FLT1: variants seen among roughly 807,000 people sequenced by gnomAD.
FLT1 encodes the protein fms related receptor tyrosine kinase 1.
Under a neutral mutation model 156.3 loss-of-function variants are expected in FLT1, and 49 were observed. That is an observed-to-expected ratio of 0.31 (90% CI 0.25 to 0.40). FLT1 has a LOEUF of 0.40. Ranked by LOEUF, FLT1 falls within the 10% of genes least tolerant of loss-of-function variation. The probability of loss-of-function intolerance (pLI) is 1.00; values close to 1 mark genes in which losing one functional copy is unlikely to be tolerated. For synonymous variants in FLT1, 594 were observed against 583.8 expected (o/e 1.02, Z -0.25); for missense variants, 1,322 against 1,637.2 (o/e 0.81, Z 3.32).
chr13:28,474,828 G>T (rs1670839873), intron 1 of FLT1, among the ~76,000 whole-genome samples: 1 of 152,040 alleles, frequency 6.6e-6, no homozygotes, highest in Non-Finnish European at 1.5e-5. Context: ...ATATTTTGGG[G>T]TGTCATATTC....
intron 7 of FLT1, 38 bp from the exon 8 acceptor site, chr13:28,430,205 T>G: frequency 6.9e-7 from 1 of 1,457,680 alleles, no homozygotes; most frequent in Non-Finnish European, 9.6e-7. Context: ...TAGAAAAGAA[T>G]AATTTCCATA....
At chr13:28,430,677 T>A (rs1453307247) in intron 7 of FLT1, among the ~76,000 whole-genome samples, 4 of 152,208 alleles carry the variant, frequency 2.6e-5, no homozygotes, top group Non-Finnish European at 5.9e-5. Context: ...AGAATTTGCA[T>A]ACTGAAATTA....
At chr13:28,411,351 G>C (rs999800900) in intron 10 of FLT1, among the ~76,000 whole-genome samples, 2 of 151,594 alleles carry the variant, frequency 1.3e-5, no homozygotes, top group Non-Finnish European at 2.9e-5. Flanking sequence ...TTGGGAGTTC[G>C]AGACCAGCCT....
At chr13:28,425,335 A>C (rs138941525) in intron 10 of FLT1, among the ~76,000 whole-genome samples, 307 of 152,356 alleles carry the variant, frequency 2.0e-3, no homozygotes, top group Non-Finnish European at 3.6e-3. Context: ...GCCAACAAAC[A>C]TTTAAGGTAA....
chr13:28,334,024 C>G lies in FLT1; in HGVS notation c.2593+1G>C. The G allele has an allele frequency of 6.3e-7, 1 of 1,592,924 alleles. No homozygotes were observed. On this transcript the variant is annotated splice_donor_variant, in intron 18 of 29. Coordinates refer to ENST00000282397, the MANE Select transcript of FLT1 (RefSeq NM_002019.4). LOFTEE classifies it high-confidence loss of function. Reference sequence around the variant, plus strand: ...TGAAAGCCAAACTACAGCATACATACCTTTCAGCATTTTCACAGCCACAGT... The same window carrying G: ...TGAAAGCCAAACTACAGCATACATAGCTTTCAGCATTTTCACAGCCACAGT...
At position 28,387,619 on chromosome 13, in the gene FLT1, TC is replaced by T. The variant is rs561046091; in HGVS notation, c.1969+2176del. The stretch of plus-strand genomic sequence containing the variant: ...TCACATAAATACACAGCTTCTATCC[TC>T]CGTTTGGAATGGGGACTGAGGAACC... On this transcript the variant is annotated intron_variant, in intron 13 of 29. Transcript: ENST00000282397. 5.8e-5 allele frequency: 62 copies of T among 1,064,840 alleles called. No individual in the cohort carries two copies. The East Asian group carries it at 2.7e-3, about 47-fold the overall frequency. The allele number at this position is 1,064,840 out of a possible 1,614,324, so 66.0% of individuals were successfully genotyped here.
At chr13:28,331,652 G>A (rs958391666) in intron 18 of FLT1, among the ~76,000 whole-genome samples, 4 of 152,118 alleles carry the variant, frequency 2.6e-5, no homozygotes, top group South Asian at 2.1e-4. Flanking sequence ...GGCCGGTCTC[G>A]AACGCCTGAC....
At chr13:28,488,601 T>G (rs911218962) in intron 1 of FLT1, among the ~76,000 whole-genome samples, 2 of 151,648 alleles carry the variant, frequency 1.3e-5, no homozygotes, top group African/African-American at 4.9e-5. Flanking sequence ...CGTTTTGGAG[T>G]ATGATGTGGG....
chr13:28,334,563 A>G (rs1484750167), intron 17 of FLT1, among the ~76,000 whole-genome samples: 9 of 152,252 alleles, frequency 5.9e-5, no homozygotes, highest in Non-Finnish European at 1.2e-4. Context: ...GGAGAAATAG[A>G]AAATGGTGGT....
intron 14 of FLT1, among the ~76,000 whole-genome samples, chr13:28,372,043 T>TGTGTG (rs1200347702): frequency 5.2e-4 from 7 of 13,480 alleles, no homozygotes; most frequent in Admixed American, 2.0e-3. Flanking sequence ...TGTGTGTGTG[T>TGTGTG]GTGTGTATAT....
intron 14 of FLT1, among the ~76,000 whole-genome samples, chr13:28,359,675 C>T (rs892942233): frequency 1.3e-5 from 2 of 152,106 alleles, no homozygotes; most frequent in Non-Finnish European, 2.9e-5. Context: ...ACAAGGAACT[C>T]AAACTACTCA....
chr13:28,351,440 G>C, intron 15 of FLT1, among the ~76,000 whole-genome samples: 1 of 152,140 alleles, frequency 6.6e-6, no homozygotes, highest in East Asian at 1.9e-4. Context: ...AGCAACATAA[G>C]CCACTCAACC....
At chr13:28,386,870 T>A in intron 13 of FLT1, 1 of 1,049,622 alleles carries the variant, frequency 9.5e-7, no homozygotes, top group Non-Finnish European at 1.2e-6. Flanking sequence ...TTCACTGAGT[T>A]ATACTTTTAA....
At chr13:28,370,565 T>C (rs534420911) in intron 14 of FLT1, among the ~76,000 whole-genome samples, 6 of 152,222 alleles carry the variant, frequency 3.9e-5, no homozygotes, top group Non-Finnish European at 4.4e-5. Flanking sequence ...CACACGTATT[T>C]CTAAATATTT....
intron 1 of FLT1, among the ~76,000 whole-genome samples, chr13:28,489,381 T>C (rs1289339449): frequency 6.6e-6 from 1 of 152,146 alleles, no homozygotes; most frequent in Non-Finnish European, 1.5e-5. Flanking sequence ...AGGCTTTATA[T>C]TAGGTGCCAG....
In FLT1 at chr13:28,473,814, GAAA is replaced by G. The variant is rs1566050813; in HGVS notation, c.65-6200_65-6198del. Among the ~76,000 whole-genome samples, 40 of 129,218 alleles carry G rather than the reference GAAA, an allele frequency of 3.1e-4. 2 individuals are homozygous for G. Among genetic ancestry groups the G allele is most frequent in the South Asian group, 9.4e-4 (4 of 4,256 alleles). The allele number at this position is 129,218 out of a possible 152,430, so 84.8% of individuals were successfully genotyped here. ...AGAAAGAAAGAAAGAAAGAAAGAAA[GAAA>G]GAAAGAAAGAAAGAAAGAAAGGAAG... is the stretch of plus-strand genomic sequence containing the variant. On this transcript the variant is annotated intron_variant, in intron 1 of 29. Transcript: ENST00000282397.
chr13:28,418,616 C>T (rs1192035292), intron 10 of FLT1, among the ~76,000 whole-genome samples: 1 of 152,158 alleles, frequency 6.6e-6, no homozygotes, highest in Admixed American at 6.5e-5. Context: ...CACTCTGTCT[C>T]CCAGGCTGGA....
intron 12 of FLT1, among the ~76,000 whole-genome samples, chr13:28,392,791 C>T (rs1208011193): frequency 2.6e-5 from 4 of 152,132 alleles, no homozygotes; most frequent in African/African-American, 9.7e-5. Context: ...ACAGCAAAAA[C>T]ACACACATAG....
intron 14 of FLT1, among the ~76,000 whole-genome samples, chr13:28,378,894 G>C (rs1873958538): frequency 6.6e-6 from 1 of 152,112 alleles, no homozygotes; most frequent in Non-Finnish European, 1.5e-5. Flanking sequence ...ATGTTTAATA[G>C]AGAAGACATA....
Sources: gnomAD v4.1 joint callset for allele counts (sites outside exome capture counted in the v4.1 genomes callset) on GRCh38, gnomAD v4.1.1 for gene constraint, MANE v1.5 for transcripts, NCBI Gene and HGNC (gene_info 2026-07-23, HGNC 2026-07-21) for gene names.